PCNX1: variants seen among roughly 807,000 people sequenced by gnomAD.
PCNX1 encodes the protein pecanex 1, also known as pecanex-like protein 1.
Under a neutral mutation model 242.2 loss-of-function variants are expected in PCNX1, and 78 were observed. The observed-to-expected ratio is 0.32, with a 90% CI of 0.27 to 0.39. The LOEUF (loss-of-function observed/expected upper bound fraction) is 0.39, where lower values mean the gene tolerates loss of function less well. Among genes scored for constraint, PCNX1 ranks in the 10% least tolerant of loss-of-function variants. The pLI is 1.00. For synonymous variants in PCNX1, 1,024 were observed against 1,032.9 expected, an observed-to-expected ratio of 0.99 and a Z score of 0.17; for missense variants, 2,581 against 2,856.5, an observed-to-expected ratio of 0.90 and a Z score of 2.20.
chr14:71,062,226 T>C (rs1023634536), intron 26 of PCNX1, among the ~76,000 whole-genome samples: 4 of 152,100 alleles, frequency 2.6e-5, no homozygotes, highest in Admixed American at 2.0e-4. Flanking sequence ...AAGTCATTGT[T>C]GTCATAGGAG....
intron 28 of PCNX1, among the ~76,000 whole-genome samples, chr14:71,078,323 G>C (rs951044211): frequency 6.6e-6 from 1 of 152,184 alleles, no homozygotes; most frequent in African/African-American, 2.4e-5. Context: ...AATCAGGCCA[G>C]ACTTGCTGAC....
At chr14:71,100,227 C>T (rs1048781717) in intron 30 of PCNX1, among the ~76,000 whole-genome samples, 4 of 152,052 alleles carry the variant, frequency 2.6e-5, no homozygotes, top group African/African-American at 9.7e-5. Flanking sequence ...TTTGTGGTAG[C>T]AGGTATTATT....
At chr14:71,025,310 T>C (rs1411705692) in intron 13 of PCNX1, among the ~76,000 whole-genome samples, 1 of 152,218 alleles carries the variant, frequency 6.6e-6, no homozygotes, top group Non-Finnish European at 1.5e-5. Context: ...CTGTGTCCTT[T>C]TGACATATCT....
intron 12 of PCNX1, among the ~76,000 whole-genome samples, chr14:71,021,267 A>T (rs111397592): frequency 0.13 from 19,562 of 152,018 alleles, 1,593 homozygotes; most frequent in South Asian, 0.26. Context: ...TCCATATGAA[A>T]TTTAAAGTAG....
At chr14:71,065,927 T>A (rs1478142861) in intron 26 of PCNX1, among the ~76,000 whole-genome samples, 1 of 152,248 alleles carries the variant, frequency 6.6e-6, no homozygotes, top group African/African-American at 2.4e-5. Flanking sequence ...TGGTCGCAGA[T>A]GCGTGGCATT....
chr14:71,090,928 A>G lies in PCNX1; in HGVS notation c.5589+1586A>G, dbSNP rs953593759. Among the ~76,000 whole-genome samples the G allele has an allele frequency of 1.1e-4, 16 of 152,300 alleles. No homozygotes were observed. The East Asian group carries it at 1.7e-3, about 17-fold the overall frequency. On this transcript the variant is annotated intron_variant, in intron 30 of 35. Coordinates refer to ENST00000304743, the MANE Select transcript of PCNX1 (RefSeq NM_014982.3). ...CTGTTGCTGCCAGGTCTCTTTCCTTAAATATTCCTTTGGCTGTGGCATTAT... is the reference window on the plus strand; with the variant it reads ...CTGTTGCTGCCAGGTCTCTTTCCTTGAATATTCCTTTGGCTGTGGCATTAT...
chr14:71,069,308 T>C lies in PCNX1; in HGVS notation c.4853-4237T>C, dbSNP rs151038107. Among the ~76,000 whole-genome samples, 146 of 152,278 alleles carry C rather than the reference T, an allele frequency of 9.6e-4. 5 individuals are homozygous for C. The East Asian group carries it at 0.027, about 28-fold the overall frequency. On this transcript the variant is annotated intron_variant, in intron 26 of 35. Transcript: ENST00000304743. ...AACCATATCAGTATCTCTAAAAAAA[T>C]TGAACCATTTTTCATTTTTAAAGTC... is the stretch of plus-strand genomic sequence containing the variant.
intron 28 of PCNX1, among the ~76,000 whole-genome samples, chr14:71,077,392 G>A (rs2061744641): frequency 6.6e-6 from 1 of 152,224 alleles, no homozygotes; most frequent in African/African-American, 2.4e-5. Context: ...TCATGGAGCA[G>A]TGTGAGCTAC....
At chr14:70,973,166 T>C (rs959322969) in intron 5 of PCNX1, among the ~76,000 whole-genome samples, 1 of 151,564 alleles carries the variant, frequency 6.6e-6, no homozygotes, top group Non-Finnish European at 1.5e-5. Flanking sequence ...GGCAGGAGGA[T>C]TGCTTGAGCC....
In PCNX1 at chr14:71,076,338, C is replaced by T; in HGVS notation, c.5256C>T (p.His1752=). The T allele has an allele frequency of 1.9e-6, 3 of 1,613,982 alleles. No homozygotes were observed. Among genetic ancestry groups the T allele is most frequent in the Non-Finnish European group, 2.5e-6 (3 of 1,179,878 alleles). ...FNPNIDEDYD[H]RLAGISRESF... is the part of the protein sequence containing the mutation. ...CAAACATTGATGAAGACTATGACCA[C>T]CGACTGGCAGGCATATCTAGGGAGA... The change falls in exon 28 of 36, where the codon CAC becomes CAT. Residue 1752 remains histidine, a synonymous_variant. Transcript: ENST00000304743.
chr14:70,930,519 G>A (rs2056757017), intron 1 of PCNX1, among the ~76,000 whole-genome samples: 2 of 152,038 alleles, frequency 1.3e-5, no homozygotes, highest in South Asian at 2.1e-4. Flanking sequence ...TCAAATGTAG[G>A]TTATGGAGTG....
chr14:71,016,044 A>G (rs1163993163), intron 11 of PCNX1, among the ~76,000 whole-genome samples: 3 of 152,194 alleles, frequency 2.0e-5, no homozygotes, highest in African/African-American at 7.2e-5. Flanking sequence ...AATAAAAACA[A>G]ATAGGTTAAA....
intron 6 of PCNX1, among the ~76,000 whole-genome samples, chr14:70,984,055 C>T (rs996875437): frequency 8.6e-5 from 13 of 151,402 alleles, no homozygotes; most frequent in African/African-American, 3.1e-4. Context: ...AGAATGTTTG[C>T]AGATGCCTTT....
At chr14:70,943,352 A>G (rs947494313) in intron 1 of PCNX1, among the ~76,000 whole-genome samples, 1 of 152,214 alleles carries the variant, frequency 6.6e-6, no homozygotes. Context: ...TGGACAATGA[A>G]GTCTAGGCTG....
chr14:71,020,020 A>G lies in PCNX1; in HGVS notation c.3150+858A>G, dbSNP rs193293725. ...ATTGTTCAACTCCCACTTATGAGTC[A>G]GAACATGCAGTGTTTGGTTTTCTGT... On this transcript the variant is annotated intron_variant, in intron 12 of 35. Transcript: ENST00000304743. 6.3e-4 allele frequency among the ~76,000 whole-genome samples: 95 copies of G among 151,572 alleles called. 1 individual carries two copies. The highest frequency in any genetic ancestry group is 1.0e-4 in the Non-Finnish European group (7 of 67,920).
chr14:70,932,562 T>C (rs1007551730), intron 1 of PCNX1, among the ~76,000 whole-genome samples: 1 of 151,900 alleles, frequency 6.6e-6, no homozygotes, highest in Non-Finnish European at 1.5e-5. Flanking sequence ...AATAGTGACA[T>C]GTCTATTGAA....
chr14:70,925,036 A>G (rs978439480), intron 1 of PCNX1, among the ~76,000 whole-genome samples: 8 of 151,730 alleles, frequency 5.3e-5, no homozygotes, highest in Non-Finnish European at 1.0e-4. Context: ...TTGCCCAGAC[A>G]GGAGTGCAGT....
intron 1 of PCNX1, among the ~76,000 whole-genome samples, chr14:70,916,354 C>T (rs2056151882): frequency 6.6e-6 from 1 of 152,146 alleles, no homozygotes; most frequent in East Asian, 1.9e-4. Flanking sequence ...GGACAGAATT[C>T]CAAGGCCTAA....
intron 2 of PCNX1, among the ~76,000 whole-genome samples, chr14:70,953,532 A>T (rs999227083): frequency 6.6e-6 from 1 of 151,232 alleles, no homozygotes; most frequent in Non-Finnish European, 1.5e-5. Context: ...TATTACAGTC[A>T]TCTCCCACTT....
Sources: gnomAD v4.1 joint callset for allele counts (sites outside exome capture counted in the v4.1 genomes callset) on GRCh38, gnomAD v4.1.1 for gene constraint, MANE v1.5 for transcripts, NCBI Gene and HGNC (gene_info 2026-07-23, HGNC 2026-07-21) for gene names.